Variants in ANKFN1 observed in about 807,000 individuals in gnomAD.
ANKFN1 encodes the protein ankyrin repeat and fibronectin type III domain containing 1, also known as ankyrin repeat and fibronectin type-III domain-containing protein 1.
A neutral mutation model predicts 108.7 loss-of-function variants in ANKFN1; 74 were observed. The ratio of observed to expected loss-of-function variants is 0.68; its 90% CI spans 0.56 to 0.83. The LOEUF (loss-of-function observed/expected upper bound fraction) is 0.83. Among genes scored for constraint, ANKFN1 ranks in the 40% least tolerant of loss-of-function variants. The probability of loss-of-function intolerance (pLI) is 0.00; values close to 1 mark genes in which losing one functional copy is unlikely to be tolerated. For missense variants in ANKFN1, 1,505 were observed against 1,382.3 expected (o/e 1.09, Z -1.41); for synonymous variants, 547 against 516.2 (o/e 1.06, Z -0.81).
intron 4 of ANKFN1, among the ~76,000 whole-genome samples, chr17:56,054,140 A>C (rs1164221424): frequency 7.2e-5 from 11 of 152,204 alleles, no homozygotes; most frequent in Non-Finnish European, 1.5e-5. Context: ...AATTAGTACA[A>C]CCTCTATGGA....
intron 8 of ANKFN1, among the ~76,000 whole-genome samples, chr17:56,388,138 C>A (rs2047328302): frequency 1.3e-5 from 2 of 150,626 alleles, no homozygotes; most frequent in Admixed American, 1.3e-4. Context: ...TTTTCTTTTT[C>A]TTTCTTTCTT....
intron 3 of ANKFN1, among the ~76,000 whole-genome samples, chr17:56,306,087 C>T (rs1356502383): frequency 6.6e-6 from 1 of 152,172 alleles, no homozygotes; most frequent in Non-Finnish European, 1.5e-5. Context: ...ATTGAGTAAC[C>T]TTATTCCTCC....
At chr17:56,082,438 A>AC (rs1196847531) in intron 4 of ANKFN1, among the ~76,000 whole-genome samples, 1 of 103,122 alleles carries the variant, frequency 9.7e-6, no homozygotes, top group Non-Finnish European at 2.6e-5. Context: ...TATCACACAC[A>AC]CACAAAAAAA....
chr17:56,102,724 A>C (rs541475988), intron 4 of ANKFN1, among the ~76,000 whole-genome samples: 1 of 152,172 alleles, frequency 6.6e-6, no homozygotes, highest in Admixed American at 6.5e-5. Context: ...AAATCACTGA[A>C]TTAATAACAC....
intron 6 of ANKFN1, among the ~76,000 whole-genome samples, chr17:56,363,202 G>T (rs992447014): frequency 6.6e-6 from 1 of 151,946 alleles, no homozygotes; most frequent in Non-Finnish European, 1.5e-5. Flanking sequence ...CCAGCCTGGG[G>T]ACAGAGGGAG....
intron 10 of ANKFN1, among the ~76,000 whole-genome samples, chr17:56,444,091 G>A (rs144482366): frequency 7.7e-4 from 118 of 152,274 alleles, no homozygotes; most frequent in African/African-American, 2.1e-3. Flanking sequence ...AAAATGAAGC[G>A]TCATGTGTGG....
intron 1 of ANKFN1, among the ~76,000 whole-genome samples, chr17:56,168,676 A>G (rs1555604191): frequency 1.3e-5 from 2 of 152,174 alleles, no homozygotes; most frequent in Non-Finnish European, 2.9e-5. Context: ...GTTTTGGTTT[A>G]GTTCGTTTGT....
rs770686590 is a variant in ANKFN1, at chr17:56,350,806, C to T, written c.229C>T (p.His77Tyr). The change falls in exon 5 of 21, where the codon CAT becomes TAT. Residue 77 changes from histidine to tyrosine, a missense_variant. Transcript: ENST00000682825. Reference sequence around the variant, plus strand: ...AATGACGCAACAAATGCAAAATTTACATCTCTGTCAGTCAAAAAAACATAG... The same window carrying T: ...AATGACGCAACAAATGCAAAATTTATATCTCTGTCAGTCAAAAAAACATAG... ...VKMTQQMQNLHLCQSKKHSAP... is the reference protein window; with the variant it reads ...VKMTQQMQNLYLCQSKKHSAP... The T allele has an allele frequency of 5.6e-6, 9 of 1,613,774 alleles. No individual in the cohort carries two copies. The South Asian group carries it at 8.8e-5, about 16-fold the overall frequency.
chr17:56,398,152 C>T (rs2047642649), intron 8 of ANKFN1, among the ~76,000 whole-genome samples: 1 of 152,004 alleles, frequency 6.6e-6, no homozygotes. Context: ...AGATTATATT[C>T]TCCATGAGAG....
chr17:56,435,011 G>A (rs2048887592), intron 8 of ANKFN1, among the ~76,000 whole-genome samples: 2 of 152,072 alleles, frequency 1.3e-5, no homozygotes, highest in African/African-American at 2.4e-5. Context: ...AGTTTTTTTG[G>A]TTTCTGAGAG....
At chr17:56,046,554 T>C (rs1014403164) in intron 4 of ANKFN1, among the ~76,000 whole-genome samples, 1 of 152,208 alleles carries the variant, frequency 6.6e-6, no homozygotes, top group Non-Finnish European at 1.5e-5. Flanking sequence ...TTTCTTTTTT[T>C]TCCTTCTTCT....
chr17:56,418,372 T>C (rs1447359944), intron 8 of ANKFN1, among the ~76,000 whole-genome samples: 1 of 152,202 alleles, frequency 6.6e-6, no homozygotes, highest in African/African-American at 2.4e-5. Context: ...GTAACAGTTT[T>C]TTAAAACTGG....
At chr17:56,099,820 G>GC (rs1325410747) in intron 4 of ANKFN1, among the ~76,000 whole-genome samples, 1 of 152,216 alleles carries the variant, frequency 6.6e-6, no homozygotes, top group Admixed American at 6.5e-5. Flanking sequence ...GGCAACAAAA[G>GC]CCAAGTCATG....
At chr17:56,262,470 T>C (rs2144127593) in intron 3 of ANKFN1, among the ~76,000 whole-genome samples, 1 of 152,278 alleles carries the variant, frequency 6.6e-6, no homozygotes, top group South Asian at 2.1e-4. Flanking sequence ...AAGGGTGAGA[T>C]GGGGGAGGAG....
intron 14 of ANKFN1, among the ~76,000 whole-genome samples, chr17:56,458,664 T>G (rs1179662273): frequency 6.6e-6 from 1 of 152,166 alleles, no homozygotes; most frequent in African/African-American, 2.4e-5. Context: ...TTTCTGGTAT[T>G]AAGTGAATTT....
intron 1 of ANKFN1, among the ~76,000 whole-genome samples, chr17:56,211,390 T>G (rs1278366811): frequency 6.6e-6 from 1 of 152,206 alleles, no homozygotes; most frequent in Non-Finnish European, 1.5e-5. Context: ...TTTTGTTTGT[T>G]TTGTCAAAGA....
intron 19 of ANKFN1, among the ~76,000 whole-genome samples, chr17:56,495,773 A>G (rs890635366): frequency 2.6e-5 from 4 of 152,194 alleles, no homozygotes; most frequent in Admixed American, 6.5e-5. Flanking sequence ...TGTAATAGAA[A>G]CACAGCTCAT....
chr17:56,117,186 T>C (rs569464885), intron 4 of ANKFN1, among the ~76,000 whole-genome samples: 8 of 152,186 alleles, frequency 5.3e-5, no homozygotes, highest in Non-Finnish European at 1.2e-4. Context: ...TCAGTCTTTT[T>C]CATCACCATG....
intron 4 of ANKFN1, among the ~76,000 whole-genome samples, chr17:56,329,251 C>T (rs2144554313): frequency 6.6e-6 from 1 of 152,182 alleles, no homozygotes; most frequent in East Asian, 1.9e-4. Context: ...TGAAATGTAC[C>T]ACTGTGAGTG....
Sources: allele counts gnomAD v4.1 joint callset (sites outside exome capture counted in the v4.1 genomes callset), GRCh38; gene constraint gnomAD v4.1.1; transcripts MANE v1.5; gene names NCBI Gene and HGNC (gene_info 2026-07-23, HGNC 2026-07-21).